The following RPRD1B variants were observed in gnomAD, a reference collection of about 807,000 sequenced individuals.
The protein encoded by RPRD1B is regulation of nuclear pre-mRNA domain-containing protein 1B.
A neutral mutation model predicts 41.5 loss-of-function variants in RPRD1B; 11 were observed. The ratio of observed to expected loss-of-function variants is 0.27; its 90% CI spans 0.17 to 0.44. The LOEUF (loss-of-function observed/expected upper bound fraction) is 0.44. RPRD1B is among the 20% of genes least tolerant of loss of function. The probability of loss-of-function intolerance (pLI) is 1.00; values close to 1 mark genes in which losing one functional copy is unlikely to be tolerated. For missense variants in RPRD1B, 248 were observed against 389.9 expected (o/e 0.64, Z 3.06); for synonymous variants, 158 against 155.6 (o/e 1.02, Z -0.12).
intron 6 of RPRD1B, among the ~76,000 whole-genome samples, chr20:38,075,027 A>C (rs1301757687): frequency 6.6e-6 from 1 of 152,162 alleles, no homozygotes. Flanking sequence ...ATAGTCAATG[A>C]TTATTTGTAT....
chr20:38,066,595 G>T (rs1400033762), intron 6 of RPRD1B, among the ~76,000 whole-genome samples: 1 of 152,030 alleles, frequency 6.6e-6, no homozygotes, highest in Non-Finnish European at 1.5e-5. Context: ...GAAAACCAAA[G>T]AATATGTTTG....
At chr20:38,075,479 C>A (rs993768773) in intron 6 of RPRD1B, among the ~76,000 whole-genome samples, 7 of 152,202 alleles carry the variant, frequency 4.6e-5, no homozygotes, top group African/African-American at 1.7e-4. Context: ...GAGCAAGGTT[C>A]AGATTGCAGA....
rs189175748 is a variant in RPRD1B, at chr20:38,085,962, C to A, written c.832-3764C>A. Among the ~76,000 whole-genome samples, 14 of 151,944 alleles carry A rather than the reference C, an allele frequency of 9.2e-5. No individual in the cohort carries two copies. The East Asian group carries it at 2.7e-3, about 29-fold the overall frequency. On this transcript the variant is annotated intron_variant, in intron 6 of 6. Coordinates refer to ENST00000373433, the MANE Select transcript of RPRD1B (RefSeq NM_021215.4). ...TCAAGCAATCTTCCCACCTCAGCCT[C>A]CTGAGTAGCTGGAACTATAGGCATG... is the stretch of plus-strand genomic sequence containing the variant.
chr20:38,073,648 G>A (rs562944968), intron 6 of RPRD1B, among the ~76,000 whole-genome samples: 1 of 152,308 alleles, frequency 6.6e-6, no homozygotes, highest in Admixed American at 6.5e-5. Flanking sequence ...GCAGTAGGGG[G>A]AGATAGAGAG....
intron 2 of RPRD1B, among the ~76,000 whole-genome samples, chr20:38,044,576 A>G (rs376523525): frequency 1.6e-4 from 24 of 151,990 alleles, no homozygotes; most frequent in Non-Finnish European, 2.9e-4. Context: ...GAGTTTCACC[A>G]TGTTAGCCAG....
chr20:38,048,762 A>G, intron 3 of RPRD1B: 1 of 226,390 alleles, frequency 4.4e-6, no homozygotes, highest in Non-Finnish European at 7.3e-6. Flanking sequence ...GGAAAGGAAC[A>G]ACAAAGTTGT....
chr20:38,083,491 G>T (rs1490528326), intron 6 of RPRD1B, among the ~76,000 whole-genome samples: 1 of 151,942 alleles, frequency 6.6e-6, no homozygotes, highest in South Asian at 2.1e-4. Flanking sequence ...CCTTGCTTCC[G>T]CATGTCCCTA....
rs763460066 is a variant in RPRD1B, at chr20:38,091,114, A to G, written c.*1239A>G. On this transcript the variant is annotated 3_prime_UTR_variant, in exon 7 of 7. Transcript: ENST00000373433. The stretch of plus-strand genomic sequence containing the variant: ...TAAAGGTTCAGCCTGCCAATTGTAA[A>G]TCATTCTAATTTGGCAGGCTTATTT... 4 of 985,884 alleles carry G rather than the reference A, an allele frequency of 4.1e-6. No homozygotes were observed. Among genetic ancestry groups the G allele is most frequent in the Non-Finnish European group, 4.8e-6 (4 of 829,938 alleles). The allele number at this position is 985,884 out of a possible 1,614,324, so 61.1% of individuals were successfully genotyped here. A position where few individuals can be genotyped will look rare whatever the true frequency, so the allele number is the denominator to read the frequency against.
chr20:38,060,311 A>G, intron 5 of RPRD1B, among the ~76,000 whole-genome samples: 1 of 152,184 alleles, frequency 6.6e-6, no homozygotes, highest in East Asian at 1.9e-4. Flanking sequence ...TGTCTTCCAA[A>G]GGCCACCATT....
At chr20:38,046,909 G>T (rs578054071) in intron 2 of RPRD1B, among the ~76,000 whole-genome samples, 3 of 152,210 alleles carry the variant, frequency 2.0e-5, no homozygotes, top group Admixed American at 2.0e-4. Context: ...GGAGTGACGT[G>T]GTCTGCCTTA....
chr20:38,056,177 A>C (rs977085434), intron 3 of RPRD1B, among the ~76,000 whole-genome samples: 3 of 152,266 alleles, frequency 2.0e-5, no homozygotes, highest in African/African-American at 7.2e-5. Flanking sequence ...ACTGGAGGCC[A>C]GGAGTTCGAG....
Position 38,065,842 on chromosome 20 carries a change from C to T in RPRD1B, c.656-239C>T, listed in dbSNP as rs1451666907. The T allele has an allele frequency of 1.1e-5, 4 of 366,088 alleles. No homozygotes were observed. In the Admixed American group the frequency reaches 1.8e-4, roughly 16 times the overall value. 22.7% of individuals were successfully genotyped at this position (366,088 alleles called of 1,614,324 possible). A position where few individuals can be genotyped will look rare whatever the true frequency, so the allele number is the denominator to read the frequency against. The stretch of plus-strand genomic sequence containing the variant: ...GAACAGGCATTTAGAAAGCCTTTGC[C>T]AGATTCCCCCCATGTACAGCTTCCT... On this transcript the variant is annotated intron_variant, in intron 5 of 6. Coordinates refer to ENST00000373433, the MANE Select transcript of RPRD1B (RefSeq NM_021215.4).
chr20:38,057,710 C>T (rs553392565), intron 4 of RPRD1B, 66 bp downstream of exon 4: 3 of 1,163,736 alleles, frequency 2.6e-6, no homozygotes, highest in African/African-American at 1.5e-5. Context: ...AAGACTATGG[C>T]CACAAGGTGG....
In RPRD1B at chr20:38,077,288, C is replaced by G. The variant is rs149463298; in HGVS notation, c.831+11032C>G. Among the ~76,000 whole-genome samples the G allele has an allele frequency of 5.3e-4, 80 of 152,268 alleles. 2 individuals are homozygous for G. The East Asian group carries it at 0.015, about 28-fold the overall frequency. ...CCAACTGGATGTTGATGGCCTACCT[C>G]TAGATCTCTAGGTCAGACCTCTTCC... On this transcript the variant is annotated intron_variant, in intron 6 of 6. Coordinates refer to ENST00000373433, the MANE Select transcript of RPRD1B (RefSeq NM_021215.4).
chr20:38,044,152 C>T lies in RPRD1B; in HGVS notation c.281+3588C>T, dbSNP rs2074097211. Among the ~76,000 whole-genome samples, 5 of 152,230 alleles carry T rather than the reference C, an allele frequency of 3.3e-5. No individual in the cohort carries two copies. In the South Asian group the frequency reaches 1.0e-3, roughly 32 times the overall value. On this transcript the variant is annotated intron_variant, in intron 2 of 6. Coordinates refer to ENST00000373433, the MANE Select transcript of RPRD1B (RefSeq NM_021215.4). ...AGCAGAGGGTGATGTGCATGCAGTACCCGCAGCAGACTGGAGCGCTCTGGG... is the reference window on the plus strand; with the variant it reads ...AGCAGAGGGTGATGTGCATGCAGTATCCGCAGCAGACTGGAGCGCTCTGGG...
At position 38,090,491 on chromosome 20, in the gene RPRD1B, A is replaced by G; in HGVS notation, c.*616A>G. 10 of 985,978 alleles carry G rather than the reference A, an allele frequency of 1.0e-5. No individual in the cohort carries two copies. The highest frequency in any genetic ancestry group is 1.2e-5 in the Non-Finnish European group (10 of 829,990). 61.1% of individuals were successfully genotyped at this position (985,978 alleles called of 1,614,324 possible). A position where few individuals can be genotyped will look rare whatever the true frequency, so the allele number is the denominator to read the frequency against. Reference sequence around the variant, plus strand: ...TGTAAACAGATTGGAGAATCTAGCAATAAGATTCAAAGCTAATCTGGAGCA... The same window carrying G: ...TGTAAACAGATTGGAGAATCTAGCAGTAAGATTCAAAGCTAATCTGGAGCA... On this transcript the variant is annotated 3_prime_UTR_variant, in exon 7 of 7. Transcript: ENST00000373433.
chr20:38,036,181 C>T (rs1047307645), intron 1 of RPRD1B, among the ~76,000 whole-genome samples: 6 of 152,136 alleles, frequency 3.9e-5, no homozygotes, highest in African/African-American at 1.2e-4. Context: ...CCTAATCTTA[C>T]GTGGTAAAGC....
chr20:38,084,296 C>T (rs1188229614), intron 6 of RPRD1B, among the ~76,000 whole-genome samples: 3 of 152,070 alleles, frequency 2.0e-5, no homozygotes, highest in Non-Finnish European at 4.4e-5. Context: ...TGCACGATAA[C>T]CCTTTATGAC....
rs757949646 is a variant in RPRD1B at position 38,034,106 on chromosome 20, C to T, written c.151+8C>T. 1.9e-6 allele frequency: 3 copies of T among 1,611,328 alleles called. No individual in the cohort carries two copies. In the South Asian group the frequency reaches 3.3e-5, roughly 18 times the overall value. ...ACCGCGAGCTCCGCAAAGGTAAACA[C>T]CAAATCCCCACCCCCTGGACGGTCC... On this transcript the variant is annotated splice_region_variant and intron_variant, in intron 1 of 6. Coordinates refer to ENST00000373433, the MANE Select transcript of RPRD1B (RefSeq NM_021215.4).
Sources: allele counts gnomAD v4.1 joint callset (sites outside exome capture counted in the v4.1 genomes callset), GRCh38; gene constraint gnomAD v4.1.1; transcripts MANE v1.5; gene names NCBI Gene and HGNC (gene_info 2026-07-23, HGNC 2026-07-21).